PABPC4L: variants seen among roughly 807,000 people sequenced by gnomAD.
PABPC4L encodes poly(A) binding protein cytoplasmic 4 like, also known as polyadenylate-binding protein 4-like.
For missense variants in PABPC4L, 452 were observed against 451.4 expected, an observed-to-expected ratio of 1.00 and a Z score of -0.01; for synonymous variants, 169 against 164.1, an observed-to-expected ratio of 1.03 and a Z score of -0.23.
At chr4:134,125,382 T>C in the PABPC4L span, among the ~76,000 whole-genome samples, 1 of 152,106 alleles carries the variant, frequency 6.6e-6, no homozygotes, top group Non-Finnish European at 1.5e-5. Flanking sequence ...TACATATGTA[T>C]ACATGTGCCA....
chr4:133,994,018 G>C, the PABPC4L span, among the ~76,000 whole-genome samples: 2 of 152,110 alleles, frequency 1.3e-5, no homozygotes, highest in East Asian at 1.9e-4. Context: ...CAATATTAAG[G>C]CTCCAACCTC....
chr4:134,199,640 T>C lies in PABPC4L; in HGVS notation c.*267A>G, dbSNP rs1408788550. On this transcript the variant is annotated 3_prime_UTR_variant, in exon 2 of 2. Transcript: ENST00000421491. ...GTTCAAATGTAAAAATATATCTATTTATACTTATTGCTATGAACATATCAA... is the reference window on the plus strand; with the variant it reads ...GTTCAAATGTAAAAATATATCTATTCATACTTATTGCTATGAACATATCAA... 1 of 360,390 alleles carries C rather than the reference T, an allele frequency of 2.8e-6. No homozygotes were observed. The highest frequency in any genetic ancestry group is 5.0e-6 in the Non-Finnish European group (1 of 201,628). 22.3% of individuals were successfully genotyped at this position (360,390 alleles called of 1,614,324 possible). A position where few individuals can be genotyped will look rare whatever the true frequency, so the allele number is the denominator to read the frequency against.
At chr4:134,050,261 A>C in the PABPC4L span, among the ~76,000 whole-genome samples, 10 of 152,308 alleles carry the variant, frequency 6.6e-5, no homozygotes, top group Non-Finnish European at 1.0e-4. Flanking sequence ...AGATATTTTT[A>C]ATATACGTAT....
chr4:134,039,696 A>G, the PABPC4L span, among the ~76,000 whole-genome samples: 3 of 151,836 alleles, frequency 2.0e-5, 1 homozygote, highest in Non-Finnish European at 4.4e-5. Context: ...CTATCCCTTT[A>G]TGTTGAGCCT....
the PABPC4L span, among the ~76,000 whole-genome samples, chr4:134,061,263 TA>T: frequency 3.2e-4 from 49 of 151,270 alleles, no homozygotes; most frequent in East Asian, 4.9e-3. Flanking sequence ...TATGAGTGTT[TA>T]AAAAAAACCA....
the PABPC4L span, among the ~76,000 whole-genome samples, chr4:133,998,358 T>C: frequency 6.6e-6 from 1 of 152,124 alleles, no homozygotes; most frequent in Middle Eastern, 3.4e-3. Flanking sequence ...CAATTACCCA[T>C]TGATTTGCAA....
the PABPC4L span, among the ~76,000 whole-genome samples, chr4:133,952,913 C>T: frequency 6.6e-6 from 1 of 152,170 alleles, no homozygotes; most frequent in Non-Finnish European, 1.5e-5. Context: ...AATCCCTCCC[C>T]CTTCACCCCG....
At chr4:134,058,398 G>A in the PABPC4L span, among the ~76,000 whole-genome samples, 4 of 151,424 alleles carry the variant, frequency 2.6e-5, no homozygotes, top group Non-Finnish European at 5.9e-5. Flanking sequence ...GATAAACTAG[G>A]GTCTGTGCTT....
At chr4:134,179,840 A>G in the PABPC4L span, among the ~76,000 whole-genome samples, 3 of 152,142 alleles carry the variant, frequency 2.0e-5, no homozygotes, top group East Asian at 1.9e-4. Context: ...GGACTTAACT[A>G]TCCTGCACAT....
chr4:134,046,644 C>T, the PABPC4L span, among the ~76,000 whole-genome samples: 1 of 152,150 alleles, frequency 6.6e-6, no homozygotes, highest in African/African-American at 2.4e-5. Flanking sequence ...TCGGGGGAAA[C>T]CTTGGACAAT....
the PABPC4L span, among the ~76,000 whole-genome samples, chr4:134,083,551 C>A: frequency 1.6e-4 from 25 of 152,114 alleles, no homozygotes; most frequent in Admixed American, 7.2e-4. Flanking sequence ...GTTTCCGCAG[C>A]TGTCTCTAGC....
At chr4:134,058,487 GAC>G in the PABPC4L span, among the ~76,000 whole-genome samples, 1 of 151,778 alleles carries the variant, frequency 6.6e-6, no homozygotes, top group Non-Finnish European at 1.5e-5. Context: ...AGAGGAATCA[GAC>G]ACACATGCAC....
In PABPC4L at chr4:134,200,817, A is replaced by T. The variant is rs774697840; in HGVS notation, c.203T>A (p.Leu68Gln). The change falls in exon 2 of 2, where the codon CTG (leucine) becomes CAG (glutamine). Residue 68 changes from leucine (L) to glutamine (Q), a missense_variant. Coordinates refer to ENST00000421491, the MANE Select transcript of PABPC4L (RefSeq NM_001114734.2). ...TATGATGTCAAAGTTCATTGTGTCC[A>T]GCGCCTTCTGGGCATCAGCCAGCTG... ...FLQLADAQKA[L>Q]DTMNFDIIKG... 9 of 1,553,152 alleles carry T rather than the reference A, an allele frequency of 5.8e-6. No homozygotes were observed. Among genetic ancestry groups the T allele is most frequent in the Non-Finnish European group, 7.0e-6 (8 of 1,147,806 alleles).
At chr4:134,085,778 A>AT in the PABPC4L span, among the ~76,000 whole-genome samples, 1 of 152,134 alleles carries the variant, frequency 6.6e-6, no homozygotes, top group African/African-American at 2.4e-5. Context: ...ACTCTGTTGT[A>AT]TGTATATACA....
the PABPC4L span, among the ~76,000 whole-genome samples, chr4:134,146,408 T>C: frequency 2.0e-5 from 3 of 152,056 alleles, no homozygotes; most frequent in Admixed American, 6.6e-5. Flanking sequence ...ACAAATGATA[T>C]GGCTTTTTCA....
At chr4:134,027,656 T>C in the PABPC4L span, among the ~76,000 whole-genome samples, 2 of 152,264 alleles carry the variant, frequency 1.3e-5, no homozygotes, top group Middle Eastern at 3.4e-3. Context: ...AATCTGCATA[T>C]TGTTTTCTAT....
the PABPC4L span, among the ~76,000 whole-genome samples, chr4:134,059,799 T>C: frequency 6.6e-6 from 1 of 151,906 alleles, no homozygotes; most frequent in Non-Finnish European, 1.5e-5. Flanking sequence ...GATGGCCAAA[T>C]AGAAGCCTCC....
chr4:134,176,613 T>C, the PABPC4L span, among the ~76,000 whole-genome samples: 2 of 152,042 alleles, frequency 1.3e-5, no homozygotes, highest in African/African-American at 4.8e-5. Flanking sequence ...ACAAAAAGGC[T>C]AGTGAACACT....
the PABPC4L span, among the ~76,000 whole-genome samples, chr4:134,123,086 T>A: frequency 2.0e-5 from 3 of 152,150 alleles, no homozygotes; most frequent in African/African-American, 7.2e-5. Flanking sequence ...TGTGAGCCTC[T>A]AGTCACGTCA....
Sources: allele counts gnomAD v4.1 joint callset (sites outside exome capture counted in the v4.1 genomes callset), GRCh38; gene constraint gnomAD v4.1.1; transcripts MANE v1.5; gene names NCBI Gene and HGNC (gene_info 2026-07-23, HGNC 2026-07-21).